Variants in RALGPS1 observed in about 807,000 individuals in gnomAD.
RALGPS1 encodes Ral GEF with PH domain and SH3 binding motif 1, also known as ras-specific guanine nucleotide-releasing factor RalGPS1.
RALGPS1 carries 19 observed loss-of-function variants against 78.8 expected under a neutral mutation model. The observed-to-expected ratio is 0.24, with a 90% CI of 0.17 to 0.35. RALGPS1 has a LOEUF of 0.35. RALGPS1 is among the 10% of genes least tolerant of loss of function. RALGPS1 has a pLI of 1.00. For missense variants in RALGPS1, 454 were observed against 688.3 expected, an observed-to-expected ratio of 0.66 and a Z score of 3.81; for synonymous variants, 228 against 256.3, an observed-to-expected ratio of 0.89 and a Z score of 1.06.
intron 4 of RALGPS1, among the ~76,000 whole-genome samples, chr9:127,021,800 G>A (rs1334162750): frequency 6.6e-6 from 1 of 152,062 alleles, no homozygotes; most frequent in East Asian, 1.9e-4. Context: ...AGCTGCTGGC[G>A]GCTGCTCTCA....
rs2061908949 is a variant in RALGPS1, at chr9:127,205,948, C to T, written c.1248-6183C>T. On this transcript the variant is annotated intron_variant, in intron 14 of 18. Transcript: ENST00000259351. The surrounding 1 kb of genome is among the most constrained non-coding windows in gnomAD (Gnocchi z 4.0). ...ACAGTACAAATGTGGTTCCTAGGGA[C>T]CCACTTAGTGAATCAGGGACATTGC... Among the ~76,000 whole-genome samples the T allele has an allele frequency of 6.6e-6, 1 of 152,200 alleles. No homozygotes were observed. Among genetic ancestry groups the T allele is most frequent in the Non-Finnish European group, 1.5e-5 (1 of 68,030 alleles).
intron 4 of RALGPS1, among the ~76,000 whole-genome samples, chr9:126,987,690 C>T (rs1588858616): frequency 6.6e-6 from 1 of 152,170 alleles, no homozygotes; most frequent in African/African-American, 2.4e-5. Context: ...CCAGTCTTCT[C>T]ACTGCCCCTG....
chr9:126,998,840 A>G (rs1588929401), intron 4 of RALGPS1, among the ~76,000 whole-genome samples: 4 of 151,918 alleles, frequency 2.6e-5, no homozygotes, highest in South Asian at 2.1e-4. Context: ...ATGCAGCCAT[A>G]AAAAATGATG....
intron 4 of RALGPS1, among the ~76,000 whole-genome samples, chr9:126,980,717 A>T (rs1159075839): frequency 6.6e-6 from 1 of 152,150 alleles, no homozygotes; most frequent in Non-Finnish European, 1.5e-5. Context: ...AGGTAAGAAG[A>T]AGAATATTAA....
chr9:127,097,339 G>A (rs935934200), intron 8 of RALGPS1, among the ~76,000 whole-genome samples: 2 of 152,210 alleles, frequency 1.3e-5, no homozygotes, highest in Non-Finnish European at 2.9e-5. Context: ...ATCAAATTGT[G>A]TAGAAATGTT....
intron 3 of RALGPS1, among the ~76,000 whole-genome samples, chr9:126,974,711 A>G (rs1018800326): frequency 6.6e-6 from 1 of 152,166 alleles, no homozygotes; most frequent in Non-Finnish European, 1.5e-5. Flanking sequence ...AGGATAGGCC[A>G]TTAAGAGACT....
intron 4 of RALGPS1, among the ~76,000 whole-genome samples, chr9:126,982,200 G>A (rs1348872875): frequency 6.6e-6 from 1 of 152,162 alleles, no homozygotes; most frequent in Non-Finnish European, 1.5e-5. Context: ...TCTTCACCAA[G>A]GGGGGCACTA....
intron 8 of RALGPS1, among the ~76,000 whole-genome samples, chr9:127,109,666 T>TG (rs978285199): frequency 6.6e-6 from 1 of 152,238 alleles, no homozygotes; most frequent in African/African-American, 2.4e-5. Flanking sequence ...AGATGTTGAT[T>TG]GAACACCTGT....
At chr9:127,060,794 C>T (rs1489563256) in intron 7 of RALGPS1, among the ~76,000 whole-genome samples, 1 of 152,212 alleles carries the variant, frequency 6.6e-6, no homozygotes, top group Non-Finnish European at 1.5e-5. Flanking sequence ...CCTCGTCCAC[C>T]TTGCTAGGAT....
At chr9:127,074,478 A>G (rs1186603832) in intron 8 of RALGPS1, among the ~76,000 whole-genome samples, 2 of 152,156 alleles carry the variant, frequency 1.3e-5, no homozygotes, top group African/African-American at 2.4e-5. Flanking sequence ...TCCCAAGTCC[A>G]TTTCCATCAC....
rs138853171 is a variant in RALGPS1 at position 127,015,828 on chromosome 9, C to T, written c.217-18603C>T. 5.9e-5 allele frequency among the ~76,000 whole-genome samples: 9 copies of T among 152,196 alleles called. No individual in the cohort carries two copies. The East Asian group carries it at 1.2e-3, about 20-fold the overall frequency. On this transcript the variant is annotated intron_variant, in intron 4 of 18. Transcript: ENST00000259351. ...CTCCTGCCCTGGACATCACATCCCTCCCTCCCTGCCCTGCTCCACTTGGAG... is the reference window on the plus strand; with the variant it reads ...CTCCTGCCCTGGACATCACATCCCTTCCTCCCTGCCCTGCTCCACTTGGAG...
In RALGPS1 at chr9:127,212,297, A is replaced by C; in HGVS notation, c.1353+61A>C. 1.5e-6 allele frequency: 2 copies of C among 1,310,652 alleles called. No individual in the cohort carries two copies. The highest frequency in any genetic ancestry group is 2.1e-6 in the Non-Finnish European group (2 of 937,076). The allele number at this position is 1,310,652 out of a possible 1,614,324, so 81.2% of individuals were successfully genotyped here. A position where few individuals can be genotyped will look rare whatever the true frequency, so the allele number is the denominator to read the frequency against. The stretch of plus-strand genomic sequence containing the variant: ...GCTTCCACATCTGTAAATAGTGCCC[A>C]CTCCTAGAGGTCTCAGCAAAAGTCA... On this transcript the variant is annotated intron_variant, in intron 15 of 18. Coordinates refer to ENST00000259351, the MANE Select transcript of RALGPS1 (RefSeq NM_014636.3). The surrounding 1 kb of genome is among the most constrained non-coding windows in gnomAD (Gnocchi z 6.0).
chr9:127,177,976 G>A, intron 11 of RALGPS1: 1 of 1,545,388 alleles, frequency 6.5e-7, no homozygotes, highest in East Asian at 2.5e-5. Flanking sequence ...ACCCCAGATG[G>A]TTCACATGAA....
chr9:127,170,891 G>A (rs1418657361), intron 10 of RALGPS1, among the ~76,000 whole-genome samples: 5 of 152,232 alleles, frequency 3.3e-5, no homozygotes, highest in Non-Finnish European at 7.4e-5. Context: ...AGACCATCTA[G>A]GGAGTTCCTC....
chr9:126,993,825 C>A (rs969160444), intron 4 of RALGPS1, among the ~76,000 whole-genome samples: 1 of 152,134 alleles, frequency 6.6e-6, no homozygotes, highest in Non-Finnish European at 1.5e-5. Context: ...TCCTCTGAGA[C>A]AAAACTTCCA....
intron 4 of RALGPS1, among the ~76,000 whole-genome samples, chr9:127,030,225 G>T (rs1293601854): frequency 1.3e-5 from 2 of 152,148 alleles, no homozygotes; most frequent in African/African-American, 4.8e-5. Flanking sequence ...AGAAACTTGG[G>T]CTGGACACAG....
rs146829044 is a variant in RALGPS1, at chr9:126,985,131, G to A, written c.216+7386G>A. ...TTTGCCCATGGAATGTGGGCAGCAT[G>A]GCAGTGTGCAGATCTGAGCTGAGCT... is the stretch of plus-strand genomic sequence containing the variant. On this transcript the variant is annotated intron_variant, in intron 4 of 18. Transcript: ENST00000259351. 1.1e-3 allele frequency among the ~76,000 whole-genome samples: 174 copies of A among 152,346 alleles called. 1 individual carries two copies. The highest frequency in any genetic ancestry group is 6.0e-3 in the East Asian group (31 of 5,190).
At chr9:127,155,534 A>G (rs1588211735) in intron 8 of RALGPS1, among the ~76,000 whole-genome samples, 1 of 152,170 alleles carries the variant, frequency 6.6e-6, no homozygotes, top group Non-Finnish European at 1.5e-5. Context: ...GAGGCTGGAA[A>G]GGTAGTGTGG....
intron 8 of RALGPS1, among the ~76,000 whole-genome samples, chr9:127,146,468 T>C (rs947140917): frequency 1.3e-5 from 2 of 152,202 alleles, no homozygotes; most frequent in African/African-American, 4.8e-5. Context: ...AGTTTACCAT[T>C]GATGGGCACC....
Sources: gnomAD v4.1 joint callset for allele counts (sites outside exome capture counted in the v4.1 genomes callset) on GRCh38, gnomAD v4.1.1 for gene constraint, Gnocchi (gnomAD v3.1) non-coding constraint, MANE v1.5 for transcripts, NCBI Gene and HGNC (gene_info 2026-07-23, HGNC 2026-07-21) for gene names.